PIP4K2A: variants seen among roughly 807,000 people sequenced by gnomAD.
PIP4K2A encodes phosphatidylinositol 5-phosphate 4-kinase type-2 alpha.
In PIP4K2A, 14 loss-of-function variants were observed where a neutral mutation model predicts 42.9. That is an observed-to-expected ratio of 0.33 (90% confidence interval 0.22 to 0.51). The LOEUF is 0.51. PIP4K2A is among the 20% of genes least tolerant of loss of function. The probability of loss-of-function intolerance (pLI) is 0.97; values close to 1 mark genes in which losing one functional copy is unlikely to be tolerated. For synonymous variants in PIP4K2A, 192 were observed against 192.2 expected (o/e 1.00, Z 0.01); for missense variants, 434 against 519.8 (o/e 0.83, Z 1.61).
chr10:22,662,181 G>T (rs1424870460), intron 1 of PIP4K2A, among the ~76,000 whole-genome samples: 1 of 152,108 alleles, frequency 6.6e-6, no homozygotes. Context: ...GATTCTGTAC[G>T]CTCCTATTCC....
In PIP4K2A at chr10:22,664,182, CATATATATACAT is replaced by C. The variant is rs1200640066; in HGVS notation, c.144+49989_144+50000del. 6.4e-4 allele frequency among the ~76,000 whole-genome samples: 28 copies of C among 43,502 alleles called. 2 individuals are homozygous for C. The highest frequency in any genetic ancestry group is 3.3e-3 in the African/African-American group (20 of 5,998). 28.5% of individuals were successfully genotyped at this position (43,502 alleles called of 152,430 possible). On this transcript the variant is annotated intron_variant, in intron 1 of 9. Transcript: ENST00000376573. ...ATATATATATACATATATATATATA[CATATATATACAT>C]ATATATATACATATATATATATACA...
At chr10:22,659,690 C>G (rs1839166387) in intron 1 of PIP4K2A, 1 of 152,292 alleles carries the variant, frequency 6.6e-6, no homozygotes, top group South Asian at 2.1e-4. Context: ...CGCCTGTAAT[C>G]CCAGCTACTC....
intron 1 of PIP4K2A, among the ~76,000 whole-genome samples, chr10:22,664,114 TAC>T (rs1435145418): frequency 2.7e-4 from 19 of 70,170 alleles, no homozygotes; most frequent in African/African-American, 1.1e-3. Flanking sequence ...CATATATATA[TAC>T]ATATATATAT....
At chr10:22,557,490 G>A in intron 6 of PIP4K2A, among the ~76,000 whole-genome samples, 1 of 152,296 alleles carries the variant, frequency 6.6e-6, no homozygotes, top group Admixed American at 6.5e-5. Context: ...TCACGTGTAT[G>A]TGTACATATG....
chr10:22,615,980 G>C (rs2130726667), intron 1 of PIP4K2A, among the ~76,000 whole-genome samples: 1 of 152,258 alleles, frequency 6.6e-6, no homozygotes, highest in African/African-American at 2.4e-5. Flanking sequence ...TGCCGTGCCA[G>C]TCACCCCCAA....
intron 3 of PIP4K2A, among the ~76,000 whole-genome samples, chr10:22,596,795 C>T (rs564555377): frequency 6.6e-6 from 1 of 152,350 alleles, no homozygotes; most frequent in Admixed American, 6.5e-5. Flanking sequence ...GCAGAAATGA[C>T]TTGCCCAACT....
chr10:22,546,530 G>T (rs565416088), intron 7 of PIP4K2A, among the ~76,000 whole-genome samples: 1 of 152,110 alleles, frequency 6.6e-6, no homozygotes, highest in South Asian at 2.1e-4. Flanking sequence ...TCCTGCTTCA[G>T]CTTCCCTAGT....
chr10:22,584,933 G>T lies in PIP4K2A; in HGVS notation c.492+6696C>A, dbSNP rs952826810. On this transcript the variant is annotated intron_variant, in intron 4 of 9. Transcript: ENST00000376573. The stretch of plus-strand genomic sequence containing the variant: ...GTGCTCAGAATGTTCTGTTGTTCCA[G>T]AACACAGGAGCTGCCCTGTCACTCA... Among the ~76,000 whole-genome samples, 3 of 152,238 alleles carry T rather than the reference G, an allele frequency of 2.0e-5. No homozygotes were observed. The South Asian group carries it at 6.2e-4, about 32-fold the overall frequency.
intron 7 of PIP4K2A, 131 bp from the exon 8 acceptor site, chr10:22,542,178 T>A: frequency 1.5e-6 from 1 of 689,638 alleles, no homozygotes; most frequent in Non-Finnish European, 2.5e-6. Context: ...GGGTGCCTCC[T>A]TCACGATGCT....
At chr10:22,551,036 C>A (rs1272160406) in intron 6 of PIP4K2A, among the ~76,000 whole-genome samples, 1 of 152,212 alleles carries the variant, frequency 6.6e-6, no homozygotes, top group Non-Finnish European at 1.5e-5. Context: ...CTTTTTGTAA[C>A]ACATTTCATG....
At chr10:22,607,783 T>G (rs954074506) in intron 3 of PIP4K2A, 144 bp downstream of exon 3, 1 of 556,914 alleles carries the variant, frequency 1.8e-6, no homozygotes, top group Non-Finnish European at 3.2e-6. Context: ...TACTTCAGCA[T>G]GAACATTAAA....
At chr10:22,577,226 T>C (rs1369731580) in intron 4 of PIP4K2A, among the ~76,000 whole-genome samples, 1 of 152,152 alleles carries the variant, frequency 6.6e-6, no homozygotes, top group African/African-American at 2.4e-5. Flanking sequence ...GTTATCCTAC[T>C]TCAGGTGGAA....
intron 1 of PIP4K2A, among the ~76,000 whole-genome samples, chr10:22,697,929 G>T (rs16922609): frequency 6.6e-6 from 1 of 152,154 alleles, no homozygotes; most frequent in South Asian, 2.1e-4. Flanking sequence ...TACATGGGAA[G>T]AATTCTGCCT....
chr10:22,541,991 C>T lies in PIP4K2A; in HGVS notation c.849G>A (p.Val283=), dbSNP rs540608496. Residue 283 remains valine, a synonymous_variant, in exon 8 of 10, where the codon GTG becomes GTA. Transcript: ENST00000376573. ...CCACTTCCTCCTGTTCGGCTCTCTC[C>T]ACATCATGAATTCCCACCAGCAGAC... The part of the protein sequence containing the change: ...DYSLLVGIHD[V]ERAEQEEVEC... The T allele has an allele frequency of 6.2e-7, 1 of 1,613,954 alleles. No individual in the cohort carries two copies. Among genetic ancestry groups the T allele is most frequent in the East Asian group, 2.2e-5 (1 of 44,874 alleles).
chr10:22,708,519 C>T (rs1160626998), intron 1 of PIP4K2A, among the ~76,000 whole-genome samples: 1 of 152,198 alleles, frequency 6.6e-6, no homozygotes, highest in East Asian at 1.9e-4. Flanking sequence ...TGCAATTCCA[C>T]ATTCTTAAAT....
chr10:22,582,891 T>TAAAAA (rs57477195), intron 4 of PIP4K2A, among the ~76,000 whole-genome samples: 11 of 118,672 alleles, frequency 9.3e-5, no homozygotes, highest in East Asian at 2.5e-4. Context: ...CGTCTTGAAG[T>TAAAAA]AAAAAAAAAA....
At chr10:22,567,547 T>G (rs1183494768) in intron 6 of PIP4K2A, 1 of 606,038 alleles carries the variant, frequency 1.7e-6, no homozygotes, top group Non-Finnish European at 3.1e-6. Flanking sequence ...CAGCTGTCAG[T>G]GCCATTTTCG....
At chr10:22,598,167 G>C (rs546011411) in intron 3 of PIP4K2A, among the ~76,000 whole-genome samples, 1 of 152,266 alleles carries the variant, frequency 6.6e-6, no homozygotes, top group East Asian at 1.9e-4. Context: ...GGACCAGCCT[G>C]GGCAGCATAG....
At chr10:22,573,479 AGG>A in intron 4 of PIP4K2A, 22 bp from the exon 5 acceptor site, 1 of 1,592,670 alleles carries the variant, frequency 6.3e-7, no homozygotes, top group Non-Finnish European at 8.5e-7. Flanking sequence ...AGAAAGAAAA[AGG>A]AAAAAAACAT....
Sources: allele counts gnomAD v4.1 joint callset (sites outside exome capture counted in the v4.1 genomes callset), GRCh38; gene constraint gnomAD v4.1.1; transcripts MANE v1.5; gene names NCBI Gene and HGNC (gene_info 2026-07-23, HGNC 2026-07-21).